The following PIK3C2G variants were observed in gnomAD, a reference collection of about 807,000 sequenced individuals.
PIK3C2G encodes phosphatidylinositol-4-phosphate 3-kinase catalytic subunit type 2 gamma.
Under a neutral mutation model 181.1 loss-of-function variants are expected in PIK3C2G, and 168 were observed. The ratio of observed to expected loss-of-function variants is 0.93; its 90% CI spans 0.82 to 1.05. PIK3C2G has a LOEUF of 1.05. Ranked by LOEUF, PIK3C2G falls within the 50% of genes least tolerant of loss-of-function variation. The pLI is 0.00. For synonymous variants in PIK3C2G, 573 were observed against 592.2 expected (o/e 0.97, Z 0.47); for missense variants, 1,869 against 1,732.8 (o/e 1.08, Z -1.40).
the PIK3C2G span, among the ~76,000 whole-genome samples, chr12:18,709,536 T>G: frequency 6.6e-6 from 1 of 152,008 alleles, no homozygotes; most frequent in African/African-American, 2.4e-5. Flanking sequence ...TAGGACTTTT[T>G]TTTTATTTCT....
chr12:18,351,125 A>G (rs138126961), intron 11 of PIK3C2G, among the ~76,000 whole-genome samples: 13 of 152,234 alleles, frequency 8.5e-5, no homozygotes, highest in Admixed American at 8.5e-4. Context: ...TCTGAGATGC[A>G]ACTTAGAAAA....
At chr12:18,640,943 A>G (rs1395997837) in intron 32 of PIK3C2G, among the ~76,000 whole-genome samples, 1 of 152,192 alleles carries the variant, frequency 6.6e-6, no homozygotes, top group Admixed American at 6.5e-5. Context: ...TCTCTTTTGA[A>G]AAACTAAAAA....
intron 5 of PIK3C2G, among the ~76,000 whole-genome samples, chr12:18,304,423 A>G (rs1289227789): frequency 2.0e-5 from 3 of 151,992 alleles, no homozygotes; most frequent in Non-Finnish European, 2.9e-5. Context: ...TGCCCAGCTA[A>G]TTTTTGTATT....
At chr12:18,590,288 G>A (rs1257238342) in intron 29 of PIK3C2G, among the ~76,000 whole-genome samples, 1 of 151,750 alleles carries the variant, frequency 6.6e-6, no homozygotes, top group Non-Finnish European at 1.5e-5. Context: ...CCAAAAGGAT[G>A]GCCACATACT....
intron 24 of PIK3C2G, among the ~76,000 whole-genome samples, chr12:18,519,650 T>C (rs1942781887): frequency 6.6e-6 from 1 of 152,176 alleles, no homozygotes; most frequent in Non-Finnish European, 1.5e-5. Context: ...AGCACACCGA[T>C]TGGTCTTGAC....
rs1173086640 is a variant in PIK3C2G at position 18,546,413 on chromosome 12, G to A, written c.3571G>A (p.Ala1191Thr). Residue 1191 changes from alanine (A) to threonine (T), a missense_variant, in exon 26 of 33, where the codon GCA (alanine) becomes ACA (threonine). Physicochemically the swap from Ala to Thr is moderately conservative, Grantham distance 58. Transcript: ENST00000538779. ...TCGTCCACAAGACACAGACCTGGAA[G>A]CAACAAGTCATTTTACCAAGTAAGA... ...NLRPQDTDLE[A>T]TSHFTKKIKE... 4.4e-6 allele frequency: 7 copies of A among 1,588,834 alleles called. No homozygotes were observed. The highest frequency in any genetic ancestry group is 5.2e-6 in the Non-Finnish European group (6 of 1,163,046).
chr12:18,650,499 T>C (rs1950400625), downstream of PIK3C2G, among the ~76,000 whole-genome samples: 1 of 150,038 alleles, frequency 6.7e-6, no homozygotes, highest in African/African-American at 2.4e-5. Flanking sequence ...TTTTCCTGTG[T>C]ATGAAAAAAA....
chr12:18,561,471 C>G (rs1022223578), intron 26 of PIK3C2G, among the ~76,000 whole-genome samples: 1 of 151,920 alleles, frequency 6.6e-6, no homozygotes, highest in African/African-American at 2.4e-5. Context: ...AGAGTAAGAC[C>G]CTATCTCTGA....
chr12:18,254,450 C>G (rs912285139), intron 1 of PIK3C2G, among the ~76,000 whole-genome samples: 1 of 151,846 alleles, frequency 6.6e-6, no homozygotes, highest in East Asian at 1.9e-4. Flanking sequence ...TTCATATTCT[C>G]TGGGGAAAGT....
At chr12:18,557,750 C>T (rs1945085726) in intron 26 of PIK3C2G, among the ~76,000 whole-genome samples, 1 of 152,074 alleles carries the variant, frequency 6.6e-6, no homozygotes, top group South Asian at 2.1e-4. Context: ...AGTTAAAGAT[C>T]TACTCATATA....
chr12:18,329,533 A>C (rs570107985), intron 8 of PIK3C2G, among the ~76,000 whole-genome samples: 1 of 152,122 alleles, frequency 6.6e-6, no homozygotes, highest in African/African-American at 2.4e-5. Context: ...AACTATATGC[A>C]CTTTTTGAGC....
At chr12:18,432,871 A>C (rs1160631147) in intron 18 of PIK3C2G, among the ~76,000 whole-genome samples, 1 of 152,194 alleles carries the variant, frequency 6.6e-6, no homozygotes, top group Non-Finnish European at 1.5e-5. Context: ...TGCCCAATTC[A>C]GATTTCTTTC....
intron 1 of PIK3C2G, among the ~76,000 whole-genome samples, chr12:18,263,599 A>G (rs1948346852): frequency 6.6e-6 from 1 of 152,126 alleles, no homozygotes; most frequent in Admixed American, 6.5e-5. Context: ...AATCTGTGAT[A>G]TGCACCTGGT....
At chr12:18,595,780 A>C (rs2136501785) in intron 30 of PIK3C2G, among the ~76,000 whole-genome samples, 2 of 152,154 alleles carry the variant, frequency 1.3e-5, no homozygotes, top group Non-Finnish European at 2.9e-5. Flanking sequence ...AATTCTTAAT[A>C]AGTTTTGAAA....
At chr12:18,613,624 C>T (rs2136622765) in intron 31 of PIK3C2G, among the ~76,000 whole-genome samples, 1 of 152,128 alleles carries the variant, frequency 6.6e-6, no homozygotes, top group Non-Finnish European at 1.5e-5. Flanking sequence ...ATAGATTGGG[C>T]TATCTGCATC....
intron 1 of PIK3C2G, among the ~76,000 whole-genome samples, chr12:18,275,934 T>C (rs1050325227): frequency 3.9e-5 from 6 of 152,180 alleles, no homozygotes; most frequent in Non-Finnish European, 8.8e-5. Context: ...AAAAAATTTA[T>C]CTGAGCAGCA....
chr12:18,526,718 C>T (rs1219613277), intron 24 of PIK3C2G, among the ~76,000 whole-genome samples: 1 of 152,062 alleles, frequency 6.6e-6, no homozygotes, highest in Admixed American at 6.6e-5. Context: ...AGTCACAGAG[C>T]CATTCCTAGG....
chr12:18,287,033 C>T (rs1011871351), intron 3 of PIK3C2G, 104 bp downstream of exon 3: 12 of 473,350 alleles, frequency 2.5e-5, no homozygotes, highest in African/African-American at 4.0e-5. Flanking sequence ...AAGTCAAAGT[C>T]ATGTAATTTC....
chr12:18,399,316 G>A (rs1284485148), intron 15 of PIK3C2G, among the ~76,000 whole-genome samples: 7 of 150,754 alleles, frequency 4.6e-5, no homozygotes, highest in African/African-American at 1.7e-4. Flanking sequence ...AGGATGTGTC[G>A]CAGGATTCAG....
Sources: allele counts gnomAD v4.1 joint callset (sites outside exome capture counted in the v4.1 genomes callset), GRCh38; gene constraint gnomAD v4.1.1; transcripts MANE v1.5; gene names NCBI Gene and HGNC (gene_info 2026-07-23, HGNC 2026-07-21).